SYN3: variants seen among roughly 807,000 people sequenced by gnomAD.
The protein encoded by SYN3 is synapsin-3.
A neutral mutation model predicts 65.8 loss-of-function variants in SYN3; 35 were observed. That is an observed-to-expected ratio of 0.53 (90% CI 0.41 to 0.70). SYN3 has a LOEUF of 0.70. Ranked by LOEUF, SYN3 falls within the 30% of genes least tolerant of loss-of-function variation. The probability of loss-of-function intolerance (pLI) is 0.00; values close to 1 mark genes in which losing one functional copy is unlikely to be tolerated. For missense variants in SYN3, 680 were observed against 749.0 expected, an observed-to-expected ratio of 0.91 and a Z score of 1.08; for synonymous variants, 270 against 292.9, an observed-to-expected ratio of 0.92 and a Z score of 0.80.
intron 6 of SYN3, among the ~76,000 whole-genome samples, chr22:32,605,055 G>C (rs1217407621): frequency 6.8e-6 from 1 of 147,086 alleles, no homozygotes; most frequent in Admixed American, 6.8e-5. Context: ...TTTTTTAACT[G>C]TCTGTTTCTC....
chr22:32,946,113 C>T (rs1451096918), intron 3 of SYN3, among the ~76,000 whole-genome samples: 1 of 152,156 alleles, frequency 6.6e-6, no homozygotes, highest in African/African-American at 2.4e-5. Context: ...ACTAGTTCAA[C>T]CATTGTGGAA....
chr22:32,935,630 T>C (rs1220768632), intron 3 of SYN3, among the ~76,000 whole-genome samples: 1 of 152,128 alleles, frequency 6.6e-6, no homozygotes, highest in East Asian at 1.9e-4. Context: ...TTTGTATTTT[T>C]AGTAGAGACA....
chr22:32,980,295 T>G (rs1472357330), intron 3 of SYN3, among the ~76,000 whole-genome samples: 1 of 152,132 alleles, frequency 6.6e-6, no homozygotes, highest in Non-Finnish European at 1.5e-5. Flanking sequence ...CTAGCCCAGG[T>G]GGCTGCAAGG....
At chr22:32,791,336 T>C (rs1439861499) in intron 6 of SYN3, among the ~76,000 whole-genome samples, 2 of 152,130 alleles carry the variant, frequency 1.3e-5, no homozygotes, top group Non-Finnish European at 1.5e-5. Flanking sequence ...CTGGAGGAGA[T>C]AGGACTCAAA....
intron 8 of SYN3, 99 bp downstream of exon 8, chr22:32,541,472 G>A: frequency 6.9e-7 from 1 of 1,446,776 alleles, no homozygotes; most frequent in East Asian, 2.3e-5. Context: ...CAGGAAGGAG[G>A]ATAATGATGC....
intron 1 of SYN3, among the ~76,000 whole-genome samples, chr22:33,040,705 A>G (rs951106743): frequency 6.6e-6 from 1 of 152,006 alleles, no homozygotes; most frequent in Non-Finnish European, 1.5e-5. Flanking sequence ...TTTTTCCCAT[A>G]CTGTTCTCGT....
chr22:33,009,292 G>A (rs576217654), intron 1 of SYN3, among the ~76,000 whole-genome samples: 28 of 152,156 alleles, frequency 1.8e-4, no homozygotes, highest in East Asian at 1.9e-4. Flanking sequence ...GGTTGTCGTC[G>A]TTTTCATCCT....
intron 1 of SYN3, among the ~76,000 whole-genome samples, chr22:33,016,844 A>G (rs759446672): frequency 9.2e-5 from 14 of 152,092 alleles, no homozygotes; most frequent in African/African-American, 2.2e-4. Flanking sequence ...TTTTCTCCCA[A>G]TCTCTGGGTT....
intron 1 of SYN3, among the ~76,000 whole-genome samples, chr22:33,032,848 T>A (rs2053779253): frequency 6.6e-6 from 1 of 152,140 alleles, no homozygotes. Context: ...TGCTTTTTTG[T>A]GCCGAACCAA....
intron 6 of SYN3, among the ~76,000 whole-genome samples, chr22:32,675,712 AGCTGCATGAAG>A (rs2060430847): frequency 6.6e-6 from 1 of 151,450 alleles, no homozygotes; most frequent in Non-Finnish European, 1.5e-5. Flanking sequence ...AAGCCAGCTA[AGCTGCATGAAG>A]GCTGACAGAT....
chr22:32,909,123 C>T (rs137541), intron 4 of SYN3, among the ~76,000 whole-genome samples: 5,422 of 152,280 alleles, frequency 0.036, 102 homozygotes, highest in Middle Eastern at 0.11. Context: ...GAAAGAAGGA[C>T]GCATGGGCAC....
Position 32,720,321 on chromosome 22 carries a change from A to G in SYN3, c.712-123585T>C, listed in dbSNP as rs949991915. Among the ~76,000 whole-genome samples the G allele has an allele frequency of 4.6e-5, 7 of 152,156 alleles. No individual in the cohort carries two copies. In the East Asian group the frequency reaches 1.3e-3, roughly 29 times the overall value. On this transcript the variant is annotated intron_variant, in intron 6 of 13. Coordinates refer to ENST00000358763, the MANE Select transcript of SYN3 (RefSeq NM_003490.4). ...TTGGGCTCCAACCCCAACCTCAAAC[A>G]CCTACCCAGGGCTAGCAGTTTATGT... is the stretch of plus-strand genomic sequence containing the variant.
chr22:32,703,273 C>T (rs537741642), intron 6 of SYN3, among the ~76,000 whole-genome samples: 1 of 152,222 alleles, frequency 6.6e-6, no homozygotes, highest in Non-Finnish European at 1.5e-5. Flanking sequence ...AGTGACAATT[C>T]ACTGGGAAAA....
At chr22:32,521,442 A>ATTTTT (rs34710233) in intron 12 of SYN3, among the ~76,000 whole-genome samples, 2 of 119,772 alleles carry the variant, frequency 1.7e-5, no homozygotes, top group African/African-American at 6.4e-5. Flanking sequence ...ACACCTCTTG[A>ATTTTT]TTTTTTTTTT....
intron 6 of SYN3, among the ~76,000 whole-genome samples, chr22:32,715,139 A>G (rs1315441608): frequency 6.6e-6 from 1 of 152,248 alleles, no homozygotes; most frequent in Non-Finnish European, 1.5e-5. Flanking sequence ...TGAAAAAAAC[A>G]AAAACAAAGC....
At chr22:32,678,165 G>C (rs1303887006) in intron 6 of SYN3, among the ~76,000 whole-genome samples, 1 of 152,168 alleles carries the variant, frequency 6.6e-6, no homozygotes, top group Non-Finnish European at 1.5e-5. Flanking sequence ...TTCAGGCTGG[G>C]ATTGGGTGTT....
intron 6 of SYN3, among the ~76,000 whole-genome samples, chr22:32,709,705 TC>T (rs5845018): frequency 1.1e-4 from 16 of 151,780 alleles, no homozygotes; most frequent in African/African-American, 2.7e-4. Flanking sequence ...TCTTTTTTTT[TC>T]CCCCACAACT....
At chr22:32,972,013 G>T (rs1569367630) in intron 3 of SYN3, among the ~76,000 whole-genome samples, 1 of 152,120 alleles carries the variant, frequency 6.6e-6, no homozygotes, top group Non-Finnish European at 1.5e-5. Context: ...GCCAGTCATT[G>T]GATGTAACTG....
rs769419491 is a variant in SYN3, at chr22:32,660,728, C to T, written c.712-63992G>A. ...CTGTCATTCTCTTTTGTCCAGTTGG[C>T]GCCATGTCTATTTCCTCTTGGGATC... On this transcript the variant is annotated intron_variant, in intron 6 of 13. Transcript: ENST00000358763. Among the ~76,000 whole-genome samples the T allele has an allele frequency of 1.8e-3, 273 of 152,302 alleles. 1 individual carries two copies. The highest frequency in any genetic ancestry group is 2.5e-3 in the Non-Finnish European group (169 of 68,022).
Sources: gnomAD v4.1 joint callset for allele counts (sites outside exome capture counted in the v4.1 genomes callset) on GRCh38, gnomAD v4.1.1 for gene constraint, MANE v1.5 for transcripts, NCBI Gene and HGNC (gene_info 2026-07-23, HGNC 2026-07-21) for gene names.